The following LRRTM3 variants were observed in gnomAD, a reference collection of about 807,000 sequenced individuals.
The protein encoded by LRRTM3 is leucine-rich repeat transmembrane neuronal protein 3.
LRRTM3 carries 24 observed loss-of-function variants against 44.7 expected under a neutral mutation model. The observed-to-expected ratio is 0.54, with a 90% CI of 0.39 to 0.76. LRRTM3 has a LOEUF of 0.76. Among genes scored for constraint, LRRTM3 ranks in the 30% least tolerant of loss-of-function variants. The pLI is 0.00. For synonymous variants in LRRTM3, 277 were observed against 278.7 expected (o/e 0.99, Z 0.06); for missense variants, 587 against 702.2 (o/e 0.84, Z 1.85).
intron 2 of LRRTM3, among the ~76,000 whole-genome samples, chr10:67,000,230 T>A (rs1159962249): frequency 6.6e-6 from 1 of 152,174 alleles, no homozygotes; most frequent in Non-Finnish European, 1.5e-5. Context: ...GATAAATTAC[T>A]AAGTGCTGCA....
chr10:67,097,962 T>C lies in LRRTM3; in HGVS notation c.*166T>C, dbSNP rs1252784748. On this transcript the variant is annotated 3_prime_UTR_variant, in exon 3 of 3. Transcript: ENST00000361320. ...ATTCATGAAATAAAGAAGACATGAATTGTTTTAAGTCTACACTTTGTAATT... is the reference window on the plus strand; with the variant it reads ...ATTCATGAAATAAAGAAGACATGAACTGTTTTAAGTCTACACTTTGTAATT... 6.3e-6 allele frequency: 4 copies of C among 634,172 alleles called. No homozygotes were observed. The East Asian group carries it at 1.1e-4, about 17-fold the overall frequency. The allele number at this position is 634,172 out of a possible 1,614,324, so 39.3% of individuals were successfully genotyped here. A position where few individuals can be genotyped will look rare whatever the true frequency, so the allele number is the denominator to read the frequency against.
In LRRTM3 at chr10:67,098,696, T is replaced by A. The variant is rs970816529; in HGVS notation, c.*900T>A. The A allele has an allele frequency of 6.6e-6, 1 of 152,362 alleles. No individual in the cohort carries two copies. Among genetic ancestry groups the A allele is most frequent in the African/African-American group, 2.4e-5 (1 of 41,414 alleles). 9.4% of individuals were successfully genotyped at this position (152,362 alleles called of 1,614,324 possible). ...GTAACCACAGCAACAGACTTTGTGA[T>A]ACAGTTAAAAGGTGCAGCTGCCAGT... is the stretch of plus-strand genomic sequence containing the variant. On this transcript the variant is annotated 3_prime_UTR_variant, in exon 3 of 3. Coordinates refer to ENST00000361320, the MANE Select transcript of LRRTM3 (RefSeq NM_178011.5).
intron 2 of LRRTM3, among the ~76,000 whole-genome samples, chr10:67,033,316 A>T (rs1381856083): frequency 6.6e-6 from 1 of 152,150 alleles, no homozygotes; most frequent in Non-Finnish European, 1.5e-5. Flanking sequence ...CCATATTTCC[A>T]CATGTGCACA....
chr10:67,050,631 T>C (rs577220400), intron 2 of LRRTM3, among the ~76,000 whole-genome samples: 36 of 152,204 alleles, frequency 2.4e-4, no homozygotes, highest in Non-Finnish European at 4.3e-4. Flanking sequence ...ACGCTGAGGC[T>C]GATGTGATTG....
At chr10:67,089,705 G>A (rs1857511808) in intron 2 of LRRTM3, among the ~76,000 whole-genome samples, 1 of 135,206 alleles carries the variant, frequency 7.4e-6, no homozygotes, top group Non-Finnish European at 1.6e-5. Flanking sequence ...GTATACATAT[G>A]TGTATATACA....
At position 67,029,599 on chromosome 10, in the gene LRRTM3, G is replaced by A. The variant is rs996875001; in HGVS notation, c.1537-67988G>A. On this transcript the variant is annotated intron_variant, in intron 2 of 2. Transcript: ENST00000361320. ...TAACATTGTATTATTTAAAACTTACGTAGGTTACAAAAGAGAGGTTTGGGA... is the reference window on the plus strand; with the variant it reads ...TAACATTGTATTATTTAAAACTTACATAGGTTACAAAAGAGAGGTTTGGGA... Among the ~76,000 whole-genome samples the A allele has an allele frequency of 5.3e-5, 8 of 152,156 alleles. No homozygotes were observed. The South Asian group carries it at 8.3e-4, about 16-fold the overall frequency.
chr10:67,039,353 T>C (rs1013083563), intron 2 of LRRTM3, among the ~76,000 whole-genome samples: 7 of 152,166 alleles, frequency 4.6e-5, no homozygotes, highest in Non-Finnish European at 1.0e-4. Flanking sequence ...TAAGAAGTTT[T>C]TTCTGGAGAC....
At chr10:67,088,637 G>T (rs374260803) in intron 2 of LRRTM3, among the ~76,000 whole-genome samples, 1 of 152,016 alleles carries the variant, frequency 6.6e-6, no homozygotes, top group African/African-American at 2.4e-5. Context: ...AAGGAGAACT[G>T]TGACCTTTCA....
At chr10:67,006,626 AT>A (rs11367429) in intron 2 of LRRTM3, among the ~76,000 whole-genome samples, 3,534 of 152,282 alleles carry the variant, frequency 0.023, 163 homozygotes, top group African/African-American at 0.081. Flanking sequence ...AAGTTTACAA[AT>A]TATGTAATAA....
At chr10:67,066,769 C>T (rs73256459) in intron 2 of LRRTM3, among the ~76,000 whole-genome samples, 11,199 of 152,060 alleles carry the variant, frequency 0.074, 453 homozygotes, top group South Asian at 0.19. Context: ...CTAAAATATT[C>T]GATATTATAT....
intron 2 of LRRTM3, among the ~76,000 whole-genome samples, chr10:67,030,043 A>T (rs932616230): frequency 3.9e-5 from 6 of 152,190 alleles, no homozygotes; most frequent in South Asian, 2.1e-4. Flanking sequence ...AATAAAATTA[A>T]TTTTTTTCTA....
chr10:66,955,074 T>G (rs1848718603), intron 2 of LRRTM3, among the ~76,000 whole-genome samples: 1 of 152,178 alleles, frequency 6.6e-6, no homozygotes, highest in African/African-American at 2.4e-5. Flanking sequence ...ATATAATACA[T>G]GGTAAACAAC....
At chr10:67,039,411 C>T (rs1854262685) in intron 2 of LRRTM3, among the ~76,000 whole-genome samples, 2 of 152,086 alleles carry the variant, frequency 1.3e-5, no homozygotes, top group Admixed American at 1.3e-4. Context: ...GAAAAGCCTG[C>T]TCTTACAAGT....
intron 2 of LRRTM3, among the ~76,000 whole-genome samples, chr10:66,997,874 C>T (rs1851445857): frequency 6.6e-6 from 1 of 152,158 alleles, no homozygotes; most frequent in Non-Finnish European, 1.5e-5. Context: ...TCCATCCCCA[C>T]ACTCCTAATT....
chr10:66,951,241 G>A (rs1050324253), intron 2 of LRRTM3, among the ~76,000 whole-genome samples: 41 of 151,702 alleles, frequency 2.7e-4, no homozygotes, highest in Admixed American at 2.7e-3. Flanking sequence ...TCAGCCTCCT[G>A]AGTAGCTGGG....
intron 2 of LRRTM3, among the ~76,000 whole-genome samples, chr10:67,038,767 A>G (rs531849783): frequency 2.0e-4 from 30 of 152,208 alleles, no homozygotes; most frequent in Middle Eastern, 3.4e-3. Flanking sequence ...TCAATATGAG[A>G]TATTTTTTAA....
At chr10:67,024,852 G>A (rs746255121) in intron 2 of LRRTM3, among the ~76,000 whole-genome samples, 7 of 152,052 alleles carry the variant, frequency 4.6e-5, no homozygotes, top group East Asian at 3.9e-4. Flanking sequence ...ACAAGAGGCC[G>A]GGTGGGGTGA....
intron 2 of LRRTM3, among the ~76,000 whole-genome samples, chr10:67,065,165 A>G (rs958401680): frequency 3.9e-5 from 6 of 152,118 alleles, no homozygotes; most frequent in Non-Finnish European, 7.4e-5. Context: ...AACTGTATGT[A>G]TTTATTTTTT....
chr10:67,060,311 T>G (rs1290237799), intron 2 of LRRTM3, among the ~76,000 whole-genome samples: 1 of 152,118 alleles, frequency 6.6e-6, no homozygotes, highest in African/African-American at 2.4e-5. Flanking sequence ...AGACCTTGTC[T>G]CAAAGAAAAG....
Sources: allele counts gnomAD v4.1 joint callset (sites outside exome capture counted in the v4.1 genomes callset), GRCh38; gene constraint gnomAD v4.1.1; transcripts MANE v1.5; gene names NCBI Gene and HGNC (gene_info 2026-07-23, HGNC 2026-07-21).